SETBP1: variants seen among roughly 807,000 people sequenced by gnomAD.
The protein encoded by SETBP1 is SET-binding protein.
SETBP1 carries 9 observed loss-of-function variants against 101.0 expected under a neutral mutation model. That is an observed-to-expected ratio of 0.09 (90% CI 0.05 to 0.16). SETBP1 has a LOEUF of 0.16. Among genes scored for constraint, SETBP1 ranks in the 10% least tolerant of loss-of-function variants. SETBP1 has a pLI of 1.00. For missense variants in SETBP1, 1,858 were observed against 2,033.8 expected (o/e 0.91, Z 1.66); for synonymous variants, 818 against 788.5 (o/e 1.04, Z -0.63).
chr18:44,843,029 C>T (rs1247596123), intron 2 of SETBP1, among the ~76,000 whole-genome samples: 1 of 152,276 alleles, frequency 6.6e-6, no homozygotes, highest in Non-Finnish European at 1.5e-5. Context: ...AGACCGATAG[C>T]AGCCAGGCCG....
chr18:44,998,063 C>A (rs2072536720), intron 4 of SETBP1, among the ~76,000 whole-genome samples: 1 of 152,226 alleles, frequency 6.6e-6, no homozygotes, highest in African/African-American at 2.4e-5. Context: ...GGCCGTTTAG[C>A]AGCCCCTGTT....
At chr18:44,850,892 CTA>C (rs1158836787) in intron 2 of SETBP1, among the ~76,000 whole-genome samples, 14 of 152,210 alleles carry the variant, frequency 9.2e-5, no homozygotes, top group African/African-American at 3.1e-4. Context: ...AGACACCTGT[CTA>C]TTCTAGCCAA....
intron 3 of SETBP1, among the ~76,000 whole-genome samples, chr18:44,881,825 G>A (rs2069536480): frequency 1.3e-5 from 2 of 152,194 alleles, no homozygotes; most frequent in Non-Finnish European, 2.9e-5. Flanking sequence ...GCACAGCTGG[G>A]TTTGGTGGTT....
Position 44,861,299 on chromosome 18 carries a change from C to T in SETBP1, c.487-7931C>T, listed in dbSNP as rs530057708. ...TGTCACCCCGGCTGGAGTGCAGTGG[C>T]GTGATCTCGGCTCACTGCAACCTCC... On this transcript the variant is annotated intron_variant, in intron 2 of 5. Coordinates refer to ENST00000649279, the MANE Select transcript of SETBP1 (RefSeq NM_015559.3). Among the ~76,000 whole-genome samples, 31 of 129,464 alleles carry T rather than the reference C, an allele frequency of 2.4e-4. 1 individual carries two copies. Among genetic ancestry groups the T allele is most frequent in the Admixed American group, 3.9e-4 (4 of 10,388 alleles). 84.9% of individuals were successfully genotyped at this position (129,464 alleles called of 152,430 possible). A position where few individuals can be genotyped will look rare whatever the true frequency, so the allele number is the denominator to read the frequency against.
chr18:44,723,227 CT>C lies in SETBP1; in HGVS notation c.486+21399del, dbSNP rs756824489. 1.6e-4 allele frequency among the ~76,000 whole-genome samples: 24 copies of C among 152,258 alleles called. No homozygotes were observed. The East Asian group carries it at 3.7e-3, about 23-fold the overall frequency. On this transcript the variant is annotated intron_variant, in intron 2 of 5. Transcript: ENST00000649279. ...CTTCTCCTTCTCTTCCTCTCACTTC[CT>C]TTTATATGAGACAAACTCTGCCTAT...
chr18:44,996,906 C>T lies in SETBP1; in HGVS notation c.4001-41579C>T, dbSNP rs138932860. On this transcript the variant is annotated intron_variant, in intron 4 of 5. Coordinates refer to ENST00000649279, the MANE Select transcript of SETBP1 (RefSeq NM_015559.3). The stretch of plus-strand genomic sequence containing the variant: ...GGAAAAAGGCAAAATAATGGACACT[C>T]CTGTGCAAAAAGCAGTGAGATGGGT... Among the ~76,000 whole-genome samples the T allele has an allele frequency of 1.9e-3, 289 of 152,256 alleles. 1 individual carries two copies. The highest frequency in any genetic ancestry group is 0.014 in the East Asian group (75 of 5,180).
intron 2 of SETBP1, among the ~76,000 whole-genome samples, chr18:44,849,518 T>G (rs960368259): frequency 2.6e-5 from 4 of 152,158 alleles, no homozygotes; most frequent in African/African-American, 9.7e-5. Flanking sequence ...GGCAGGGCAC[T>G]GAAGTGTGAG....
intron 3 of SETBP1, among the ~76,000 whole-genome samples, chr18:44,921,220 G>A (rs17726110): frequency 0.11 from 16,194 of 152,246 alleles, 839 homozygotes; most frequent in East Asian, 0.14. Flanking sequence ...CCTAACTACA[G>A]TGTAATAAAT....
At chr18:44,813,855 A>G (rs9945779) in intron 2 of SETBP1, among the ~76,000 whole-genome samples, 14 of 152,142 alleles carry the variant, frequency 9.2e-5, no homozygotes, top group African/African-American at 3.4e-4. Flanking sequence ...ACATGGGAAC[A>G]CTGATGGGTT....
At chr18:44,681,248 G>A (rs971981549) in intron 1 of SETBP1, among the ~76,000 whole-genome samples, 1 of 152,156 alleles carries the variant, frequency 6.6e-6, no homozygotes, top group Non-Finnish European at 1.5e-5. Flanking sequence ...GGTTTCCAGT[G>A]GGAAATCACT....
chr18:44,701,890 C>T (rs1457472686), intron 2 of SETBP1, 58 bp downstream of exon 2: 1 of 1,578,364 alleles, frequency 6.3e-7, no homozygotes, highest in Non-Finnish European at 8.6e-7. Context: ...GCCATTTTAT[C>T]CTCAACTTCT....
At chr18:44,703,735 A>G (rs1277438314) in intron 2 of SETBP1, among the ~76,000 whole-genome samples, 1 of 152,130 alleles carries the variant, frequency 6.6e-6, no homozygotes, top group Non-Finnish European at 1.5e-5. Flanking sequence ...CTCCTCCCCC[A>G]TTACAACTTT....
At chr18:44,968,261 A>G (rs2145180254) in intron 4 of SETBP1, among the ~76,000 whole-genome samples, 1 of 152,340 alleles carries the variant, frequency 6.6e-6, no homozygotes, top group Non-Finnish European at 1.5e-5. Context: ...ACACACACAC[A>G]CACAATTCCT....
intron 2 of SETBP1, among the ~76,000 whole-genome samples, chr18:44,776,716 A>G (rs1041963832): frequency 6.6e-6 from 1 of 152,246 alleles, no homozygotes; most frequent in Non-Finnish European, 1.5e-5. Flanking sequence ...CACCTTAAAT[A>G]ATAATGCCCC....
intron 4 of SETBP1, among the ~76,000 whole-genome samples, chr18:44,999,014 T>C (rs1369553490): frequency 2.0e-5 from 3 of 152,318 alleles, no homozygotes; most frequent in Non-Finnish European, 4.4e-5. Flanking sequence ...GGTTCTTATG[T>C]AACAACAGAA....
chr18:45,057,925 G>A (rs1157906270), intron 5 of SETBP1, among the ~76,000 whole-genome samples: 1 of 152,194 alleles, frequency 6.6e-6, no homozygotes, highest in Non-Finnish European at 1.5e-5. Context: ...CCAAAAAGCA[G>A]TGCTAAGTCC....
chr18:44,875,527 C>CAAAAAAAAAA (rs10645515), intron 3 of SETBP1, among the ~76,000 whole-genome samples: 3 of 61,612 alleles, frequency 4.9e-5, no homozygotes, highest in African/African-American at 7.3e-5. Context: ...GACTCCATCT[C>CAAAAAAAAAA]AAAAAAAAAA....
chr18:44,680,872 T>TC (rs2068749465), upstream of SETBP1: 1 of 149,768 alleles, frequency 6.7e-6, no homozygotes, highest in Admixed American at 6.6e-5. Flanking sequence ...AGGCAGGATT[T>TC]TTTTTTTCTC....
chr18:44,726,760 A>G (rs1156780047), intron 2 of SETBP1, among the ~76,000 whole-genome samples: 1 of 152,222 alleles, frequency 6.6e-6, no homozygotes, highest in African/African-American at 2.4e-5. Flanking sequence ...AAATGCCTCA[A>G]GCCACACAAC....
Sources: allele counts gnomAD v4.1 joint callset (sites outside exome capture counted in the v4.1 genomes callset), GRCh38; gene constraint gnomAD v4.1.1; transcripts MANE v1.5; gene names NCBI Gene and HGNC (gene_info 2026-07-23, HGNC 2026-07-21).